The following PIGK variants were observed in gnomAD, a reference collection of about 807,000 sequenced individuals.
The protein encoded by PIGK is phosphatidylinositol glycan anchor biosynthesis class K, also known as GPI-anchor transamidase.
In PIGK, 42 loss-of-function variants were observed where a neutral mutation model predicts 50.6. The observed-to-expected ratio is 0.83, with a 90% CI of 0.65 to 1.07. The LOEUF (loss-of-function observed/expected upper bound fraction) is 1.07. PIGK is among the 50% of genes least tolerant of loss of function. PIGK has a pLI of 0.00. For synonymous variants in PIGK, 151 were observed against 156.0 expected, an observed-to-expected ratio of 0.97 and a Z score of 0.24; for missense variants, 448 against 488.7, an observed-to-expected ratio of 0.92 and a Z score of 0.78.
At position 77,148,386 on chromosome 1, in the gene PIGK, C is replaced by T. The variant is rs567125133; in HGVS notation, c.986+6063G>A. On this transcript the variant is annotated intron_variant, in intron 9 of 10. Coordinates refer to ENST00000370812, the MANE Select transcript of PIGK (RefSeq NM_005482.3). ...ATTGTAAATAAAATTTATTTATAAA[C>T]ACTAGAGGGTGCTCTAATTCAACAG... Among the ~76,000 whole-genome samples, 5 of 152,176 alleles carry T rather than the reference C, an allele frequency of 3.3e-5. No homozygotes were observed. In the East Asian group the frequency reaches 9.7e-4, roughly 29 times the overall value.
chr1:77,111,323 C>A (rs1486465616), intron 10 of PIGK, among the ~76,000 whole-genome samples: 1 of 152,012 alleles, frequency 6.6e-6, no homozygotes, highest in African/African-American at 2.4e-5. Flanking sequence ...TTTATTGTGG[C>A]ACTATTCACA....
At chr1:77,162,472 A>C (rs1158200065) in intron 6 of PIGK, among the ~76,000 whole-genome samples, 1 of 152,206 alleles carries the variant, frequency 6.6e-6, no homozygotes, top group African/African-American at 2.4e-5. Flanking sequence ...AATTGGTTTC[A>C]AAAAGGTAGA....
intron 3 of PIGK, among the ~76,000 whole-genome samples, chr1:77,189,740 TATATATATACACACACAC>T (rs1413131888): frequency 4.4e-3 from 146 of 32,964 alleles, no homozygotes; most frequent in African/African-American, 0.022. Context: ...TATATATATA[TATATATATACACACACAC>T]ACACACACAC....
At chr1:77,134,069 T>C (rs1482944038) in intron 9 of PIGK, among the ~76,000 whole-genome samples, 1 of 152,216 alleles carries the variant, frequency 6.6e-6, no homozygotes, top group African/African-American at 2.4e-5. Context: ...TGATGATATG[T>C]AAATCAGTGA....
chr1:77,160,346 G>T (rs1655105402), intron 8 of PIGK, among the ~76,000 whole-genome samples: 1 of 152,104 alleles, frequency 6.6e-6, no homozygotes, highest in South Asian at 2.1e-4. Context: ...TAATACAGTA[G>T]TTCTATCAAA....
At chr1:77,124,504 G>A (rs1231028021) in intron 9 of PIGK, among the ~76,000 whole-genome samples, 1 of 151,964 alleles carries the variant, frequency 6.6e-6, no homozygotes, top group Non-Finnish European at 1.5e-5. Context: ...AGCTGCTTGG[G>A]AGGCTGAGGC....
At chr1:77,164,243 A>G (rs937161497) in intron 5 of PIGK, among the ~76,000 whole-genome samples, 3 of 152,178 alleles carry the variant, frequency 2.0e-5, no homozygotes, top group Non-Finnish European at 4.4e-5. Flanking sequence ...TCCATTCACA[A>G]AATGTTTCAA....
intron 6 of PIGK, 91 bp from the exon 7 acceptor site, chr1:77,161,802 A>G (rs1469028660): frequency 2.8e-6 from 2 of 706,416 alleles, no homozygotes; most frequent in South Asian, 1.7e-5. Flanking sequence ...TGTTTAAATC[A>G]TATCTTAGTC....
chr1:77,144,155 C>G (rs1390854604), intron 9 of PIGK, among the ~76,000 whole-genome samples: 1 of 151,764 alleles, frequency 6.6e-6, no homozygotes, highest in Non-Finnish European at 1.5e-5. Context: ...TTGTAATATC[C>G]CCTATAATGT....
At chr1:77,104,167 C>CA (rs1653613509) in intron 10 of PIGK, among the ~76,000 whole-genome samples, 1 of 151,588 alleles carries the variant, frequency 6.6e-6, no homozygotes, top group African/African-American at 2.4e-5. Context: ...CTAACAGCAA[C>CA]AAAAAAACTA....
intron 9 of PIGK, among the ~76,000 whole-genome samples, chr1:77,122,942 T>C (rs528784289): frequency 4.6e-5 from 7 of 152,320 alleles, no homozygotes; most frequent in Non-Finnish European, 1.5e-5. Flanking sequence ...ATGAAACCCA[T>C]GTCTTCTTCT....
chr1:77,124,496 C>G (rs1001524394), intron 9 of PIGK, among the ~76,000 whole-genome samples: 1 of 151,974 alleles, frequency 6.6e-6, no homozygotes, highest in Non-Finnish European at 1.5e-5. Flanking sequence ...GTAGTCCCAG[C>G]TGCTTGGGAG....
intron 10 of PIGK, among the ~76,000 whole-genome samples, chr1:77,093,404 T>A (rs2100505242): frequency 6.6e-6 from 1 of 152,192 alleles, no homozygotes; most frequent in African/African-American, 2.4e-5. Context: ...CTTTTCTACT[T>A]ACTGAATTAC....
At chr1:77,122,664 T>C (rs184954959) in intron 9 of PIGK, among the ~76,000 whole-genome samples, 2 of 152,304 alleles carry the variant, frequency 1.3e-5, no homozygotes, top group East Asian at 3.9e-4. Flanking sequence ...GTTTCTTTCA[T>C]AGCACTTAAA....
rs751413787 is a variant in PIGK, at chr1:77,089,548, TACA to T, written c.*2823_*2825del. 3.9e-5 allele frequency: 6 copies of T among 152,642 alleles called. No individual in the cohort carries two copies. The highest frequency in any genetic ancestry group is 7.3e-5 in the Non-Finnish European group (5 of 68,036). 9.5% of individuals were successfully genotyped at this position (152,642 alleles called of 1,614,324 possible). A position where few individuals can be genotyped will look rare whatever the true frequency, so the allele number is the denominator to read the frequency against. ...TCCCACAGTAACTGTAACTCTGGTA[TACA>T]ACATACATAATGGAAGAAATGTTAT... On this transcript the variant is annotated 3_prime_UTR_variant, in exon 11 of 11. Coordinates refer to ENST00000370812, the MANE Select transcript of PIGK (RefSeq NM_005482.3).
At chr1:77,156,179 C>T (rs1655004240) in intron 8 of PIGK, among the ~76,000 whole-genome samples, 2 of 152,004 alleles carry the variant, frequency 1.3e-5, no homozygotes, top group Admixed American at 6.6e-5. Context: ...AGTTGAAAGT[C>T]CCAAGAATAC....
At position 77,206,683 on chromosome 1, in the gene PIGK, G is replaced by A. The variant is rs1278549191; in HGVS notation, c.196C>T (p.Leu66Phe). 1.2e-6 allele frequency: 2 copies of A among 1,611,988 alleles called. No homozygotes were observed. Among genetic ancestry groups the A allele is most frequent in the East Asian group, 2.2e-5 (1 of 44,836 alleles). Residue 66 changes from leucine (L) to phenylalanine (F), a missense_variant, in exon 3 of 11, where the codon CTT becomes TTT. Physicochemically the swap from Leu to Phe is conservative, Grantham distance 22. Transcript: ENST00000370812. The stretch of plus-strand genomic sequence containing the variant: ...CTCTTGACACTTCTATAAACAGAAA[G>A]GGTATTTGCAACATGTCGATAATTA... ...WFNYRHVANT[L>F]SVYRSVKRLG...
intron 3 of PIGK, among the ~76,000 whole-genome samples, chr1:77,201,029 C>A (rs1022255647): frequency 6.6e-5 from 10 of 152,094 alleles, no homozygotes; most frequent in African/African-American, 2.4e-4. Flanking sequence ...TAAGGAATTA[C>A]CATACAGTAA....
chr1:77,193,307 C>T (rs1480272896), intron 3 of PIGK, among the ~76,000 whole-genome samples: 6 of 145,682 alleles, frequency 4.1e-5, no homozygotes, highest in South Asian at 2.2e-4. Flanking sequence ...TTGTTCTTTC[C>T]GGTGACAACT....
Sources: gnomAD v4.1 joint callset for allele counts (sites outside exome capture counted in the v4.1 genomes callset) on GRCh38, gnomAD v4.1.1 for gene constraint, MANE v1.5 for transcripts, NCBI Gene and HGNC (gene_info 2026-07-23, HGNC 2026-07-21) for gene names.